Variants in SYNPO2 observed in about 807,000 individuals in gnomAD.
SYNPO2 encodes synaptopodin 2.
SYNPO2 carries 56 observed loss-of-function variants against 85.0 expected under a neutral mutation model. The ratio of observed to expected loss-of-function variants is 0.66; its 90% CI spans 0.53 to 0.82. SYNPO2 has a LOEUF of 0.82. Among genes scored for constraint, SYNPO2 ranks in the 40% least tolerant of loss-of-function variants. The probability of loss-of-function intolerance (pLI) is 0.00; values close to 1 mark genes in which losing one functional copy is unlikely to be tolerated. For missense variants in SYNPO2, 1,575 were observed against 1,534.2 expected (o/e 1.03, Z -0.44); for synonymous variants, 602 against 591.1 (o/e 1.02, Z -0.27).
In SYNPO2 at chr4:119,014,406, T is replaced by A. The variant is rs894677452; in HGVS notation, c.106-9024T>A. Reference sequence around the variant, plus strand: ...TCCAGCCTGGGCAACAAAGTGAGACTCCATCTCAAAAATAAATAAATAAAT... The same window carrying A: ...TCCAGCCTGGGCAACAAAGTGAGACACCATCTCAAAAATAAATAAATAAAT... On this transcript the variant is annotated intron_variant, in intron 1 of 4. Transcript: ENST00000307142. Among the ~76,000 whole-genome samples, 6 of 152,134 alleles carry A rather than the reference T, an allele frequency of 3.9e-5. No individual in the cohort carries two copies. The East Asian group carries it at 1.2e-3, about 29-fold the overall frequency.
chr4:118,999,015 C>A (rs1310712570), intron 1 of SYNPO2, among the ~76,000 whole-genome samples: 1 of 152,198 alleles, frequency 6.6e-6, no homozygotes, highest in African/African-American at 2.4e-5. Flanking sequence ...CATGTAACAT[C>A]TCAAAGATTT....
chr4:119,059,983 C>G lies in SYNPO2; in HGVS notation c.*2049C>G, dbSNP rs1245463850. The G allele has an allele frequency of 6.6e-6, 1 of 152,066 alleles. No individual in the cohort carries two copies. Among genetic ancestry groups the G allele is most frequent in the African/African-American group, 2.4e-5 (1 of 41,410 alleles). 9.4% of individuals were successfully genotyped at this position (152,066 alleles called of 1,614,324 possible). ...TTCTCAGAAATCCCCCACATAAAAG[C>G]CTTACTTTGTTCAAAATTTATTATA... On this transcript the variant is annotated 3_prime_UTR_variant, in exon 5 of 5. Coordinates refer to ENST00000307142, the MANE Select transcript of SYNPO2 (RefSeq NM_133477.3).
intron 1 of SYNPO2, among the ~76,000 whole-genome samples, chr4:118,867,575 G>A (rs529472854): frequency 2.0e-5 from 3 of 151,152 alleles, no homozygotes; most frequent in East Asian, 1.9e-4. Context: ...TGAATGCTTC[G>A]GTACAAATCA....
chr4:118,901,939 G>A (rs774161732), intron 1 of SYNPO2, among the ~76,000 whole-genome samples: 30 of 152,294 alleles, frequency 2.0e-4, no homozygotes, highest in Middle Eastern at 6.8e-3. Flanking sequence ...TAAGAATCCA[G>A]TGGGCTTGTT....
chr4:118,963,758 A>C (rs1578590397), intron 1 of SYNPO2, among the ~76,000 whole-genome samples: 1 of 152,230 alleles, frequency 6.6e-6, no homozygotes, highest in South Asian at 2.1e-4. Flanking sequence ...TCCATAGTCT[A>C]TAAAACTTTA....
At chr4:118,911,423 G>A (rs1003297261) in intron 1 of SYNPO2, among the ~76,000 whole-genome samples, 13 of 152,060 alleles carry the variant, frequency 8.5e-5, no homozygotes, top group Non-Finnish European at 1.8e-4. Flanking sequence ...TTCAATCTTT[G>A]CTTTCCCCGA....
At chr4:118,905,439 T>G (rs1038521789) in intron 1 of SYNPO2, among the ~76,000 whole-genome samples, 3 of 90,190 alleles carry the variant, frequency 3.3e-5, no homozygotes, top group African/African-American at 9.2e-5. Context: ...GATGTGTGTG[T>G]GTGCGTGTGT....
At chr4:118,941,567 A>G (rs1253727010) in intron 1 of SYNPO2, among the ~76,000 whole-genome samples, 1 of 152,148 alleles carries the variant, frequency 6.6e-6, no homozygotes, top group Non-Finnish European at 1.5e-5. Context: ...TTATCCTTGG[A>G]TGACATTTAT....
At position 118,900,811 on chromosome 4, in the gene SYNPO2, G is replaced by GC. The variant is rs1732730987; in HGVS notation, c.105+11672dup. Among the ~76,000 whole-genome samples the GC allele has an allele frequency of 8.9e-5, 13 of 146,712 alleles. No homozygotes were observed. The South Asian group carries it at 2.8e-3, about 32-fold the overall frequency. ...TAGATATTTGTCAGTTCCTGCTAAA[G>GC]CCAAGTACTTTATCAATGATTATCA... is the stretch of plus-strand genomic sequence containing the variant. On this transcript the variant is annotated intron_variant, in intron 1 of 4. Coordinates refer to ENST00000307142, the MANE Select transcript of SYNPO2 (RefSeq NM_133477.3).
At chr4:118,860,574 T>TA (rs1731591763) in intron 1 of SYNPO2, among the ~76,000 whole-genome samples, 1 of 133,786 alleles carries the variant, frequency 7.5e-6, no homozygotes, top group African/African-American at 2.8e-5. Context: ...TTTTTTTTTT[T>TA]GAGATGGAGT....
At chr4:118,926,156 C>T (rs59127541) in intron 1 of SYNPO2, among the ~76,000 whole-genome samples, 2,894 of 152,112 alleles carry the variant, frequency 0.019, 100 homozygotes, top group African/African-American at 0.065. Context: ...GAATGGAGAA[C>T]GCAACTGGGG....
chr4:118,904,518 A>G (rs1732868010), intron 1 of SYNPO2, among the ~76,000 whole-genome samples: 1 of 152,248 alleles, frequency 6.6e-6, no homozygotes, highest in Non-Finnish European at 1.5e-5. Flanking sequence ...TGAAAATATA[A>G]AAGAAAATAA....
intron 4 of SYNPO2, among the ~76,000 whole-genome samples, chr4:119,051,266 T>G (rs1392726515): frequency 1.6e-5 from 2 of 127,798 alleles, no homozygotes; most frequent in Admixed American, 1.8e-4. Context: ...CTCGGCTCAC[T>G]GCAAGCTCCG....
chr4:118,964,204 C>A (rs541804436), intron 1 of SYNPO2, among the ~76,000 whole-genome samples: 44 of 152,160 alleles, frequency 2.9e-4, no homozygotes, highest in Admixed American at 5.2e-4. Flanking sequence ...AATCCCAGCA[C>A]TTTGGGAGGT....
rs1738136353 is a variant in SYNPO2 at position 119,029,850 on chromosome 4, A to G, written c.1075A>G (p.Arg359Gly). 1 of 1,573,428 alleles carries G rather than the reference A, an allele frequency of 6.4e-7. No homozygotes were observed. Among genetic ancestry groups the G allele is most frequent in the Admixed American group, 1.8e-5 (1 of 55,358 alleles). ...TTTTTTTTTGCTTTCCCTAGGGCTC[A>G]GGAGGAGTGAAAGCCTGTCAGAAAA... ...HKHRARHARL[R>G]RSESLSEKQV... The change falls in exon 4 of 5, where the codon AGG becomes GGG. Residue 359 changes from arginine (R) to glycine (G), a missense_variant. Physicochemically the swap from Arg to Gly is moderately radical, Grantham distance 125 (BLOSUM62 -2). This residue lies in a region of SYNPO2 where 1,508 missense variants were observed against 1,446.8 expected (regional missense o/e 1.04). Transcript: ENST00000307142.
chr4:118,870,899 A>T (rs971128922), intron 1 of SYNPO2, among the ~76,000 whole-genome samples: 4 of 152,290 alleles, frequency 2.6e-5, no homozygotes, highest in Admixed American at 1.3e-4. Context: ...TTAAAATAAA[A>T]TTTTTTTAAA....
At chr4:118,994,720 GTGGCATGTTATTCCCATAAACATCT>G (rs1311178501) in intron 1 of SYNPO2, among the ~76,000 whole-genome samples, 2 of 152,156 alleles carry the variant, frequency 1.3e-5, no homozygotes, top group Admixed American at 6.5e-5. Context: ...TTGGTAGAAA[GTGGCATGTTATTCCCATAAACATCT>G]TGGACATCTA....
At chr4:118,851,661 C>A (rs1731421938) in intron 1 of SYNPO2, among the ~76,000 whole-genome samples, 1 of 152,230 alleles carries the variant, frequency 6.6e-6, no homozygotes, top group South Asian at 2.1e-4. Flanking sequence ...ATGTAAGTAA[C>A]ATTTTGATTA....
At chr4:119,034,427 A>C (rs1006042970) in intron 4 of SYNPO2, 1 of 984,942 alleles carries the variant, frequency 1.0e-6, no homozygotes, top group Non-Finnish European at 1.2e-6. Flanking sequence ...GACAGGTGGC[A>C]ATCTTAGCAG....
Sources: allele counts gnomAD v4.1 joint callset (sites outside exome capture counted in the v4.1 genomes callset), GRCh38; gene constraint gnomAD v4.1.1; regional missense constraint gnomAD v4.1.1; transcripts MANE v1.5; gene names NCBI Gene and HGNC (gene_info 2026-07-23, HGNC 2026-07-21).